ZNF438: variants seen among roughly 807,000 people sequenced by gnomAD.
ZNF438 encodes the protein zinc finger protein 438.
Under a neutral mutation model 38.0 loss-of-function variants are expected in ZNF438, and 25 were observed. That is an observed-to-expected ratio of 0.66 (90% CI 0.48 to 0.92). ZNF438 has a LOEUF of 0.92. Among genes scored for constraint, ZNF438 ranks in the 40% least tolerant of loss-of-function variants. The pLI is 0.00. For missense variants in ZNF438, 1,007 were observed against 999.6 expected (o/e 1.01, Z -0.10); for synonymous variants, 372 against 364.1 (o/e 1.02, Z -0.25).
chr10:30,933,485 A>C (rs913979394), intron 2 of ZNF438, among the ~76,000 whole-genome samples: 1 of 152,224 alleles, frequency 6.6e-6, no homozygotes, highest in Non-Finnish European at 1.5e-5. Flanking sequence ...AGGCATCATG[A>C]CTTGCACCTG....
intron 1 of ZNF438, among the ~76,000 whole-genome samples, chr10:31,027,832 C>T (rs1220867194): frequency 6.6e-6 from 1 of 151,912 alleles, no homozygotes; most frequent in Admixed American, 6.6e-5. Flanking sequence ...TAGATACTTT[C>T]CCAATGAAAG....
intron 2 of ZNF438, among the ~76,000 whole-genome samples, chr10:30,933,855 C>T (rs2088926694): frequency 6.6e-6 from 1 of 152,092 alleles, no homozygotes; most frequent in Admixed American, 6.6e-5. Flanking sequence ...ACACTGAAAT[C>T]AGCGCTTGAG....
intron 3 of ZNF438, among the ~76,000 whole-genome samples, chr10:30,889,116 C>A (rs1017072825): frequency 3.9e-5 from 6 of 152,180 alleles, no homozygotes; most frequent in Non-Finnish European, 8.8e-5. Flanking sequence ...TAGTACTCAT[C>A]ATTTGCTCAA....
At chr10:31,012,313 T>C (rs1314772282) in intron 1 of ZNF438, among the ~76,000 whole-genome samples, 1 of 151,732 alleles carries the variant, frequency 6.6e-6, no homozygotes, top group Non-Finnish European at 1.5e-5. Flanking sequence ...TTAGTAGAGA[T>C]GGGGTTTCAC....
chr10:30,905,860 TA>T (rs1214530153), intron 3 of ZNF438, among the ~76,000 whole-genome samples: 3 of 152,240 alleles, frequency 2.0e-5, no homozygotes, highest in Non-Finnish European at 4.4e-5. Flanking sequence ...CCTTGTTGAT[TA>T]TCAGTGTACC....
intron 1 of ZNF438, among the ~76,000 whole-genome samples, chr10:31,026,532 C>A (rs1429272684): frequency 6.6e-6 from 1 of 152,122 alleles, no homozygotes; most frequent in African/African-American, 2.4e-5. Flanking sequence ...AAATCAAAAC[C>A]ACAATGAGAT....
intron 2 of ZNF438, among the ~76,000 whole-genome samples, chr10:30,934,209 G>A (rs1292592148): frequency 6.6e-6 from 1 of 152,032 alleles, no homozygotes; most frequent in Non-Finnish European, 1.5e-5. Context: ...CCCTCTTTGG[G>A]ATGTACCGAG....
chr10:30,902,569 C>G (rs938545296), intron 3 of ZNF438, among the ~76,000 whole-genome samples: 7 of 152,008 alleles, frequency 4.6e-5, no homozygotes, highest in African/African-American at 1.7e-4. Flanking sequence ...ATTCACAATC[C>G]CTTAGCTAGA....
rs926986405 is a variant in ZNF438, at chr10:31,013,892, G to A, written c.-192+17941C>T. On this transcript the variant is annotated intron_variant, in intron 1 of 5. Coordinates refer to ENST00000413025, the Ensembl canonical transcript of ZNF438. ...CCTCTTTTCCTTCACATCCAAGTCCGAAAAAGAGTTAAAACTGTTTTTACT... is the reference window on the plus strand; with the variant it reads ...CCTCTTTTCCTTCACATCCAAGTCCAAAAAAGAGTTAAAACTGTTTTTACT... Among the ~76,000 whole-genome samples, 39 of 152,122 alleles carry A rather than the reference G, an allele frequency of 2.6e-4. 1 individual carries two copies. Among genetic ancestry groups the A allele is most frequent in the Middle Eastern group, 3.4e-3 (1 of 294 alleles).
At chr10:31,023,021 G>T (rs1033665235) in intron 1 of ZNF438, among the ~76,000 whole-genome samples, 1 of 151,938 alleles carries the variant, frequency 6.6e-6, no homozygotes, top group East Asian at 1.9e-4. Context: ...TAAAATTCAC[G>T]GTCCAAAACC....
exon 6 of ZNF438, chr10:30,845,421 C>T: frequency 2.5e-6 from 4 of 1,614,118 alleles, no homozygotes; most frequent in Non-Finnish European, 3.4e-6. Context: ...TTGTAGCCTG[C>T]CCTCAATTTC....
Position 30,848,525 on chromosome 10 carries a change from A to G in ZNF438, c.1874+6T>C. The G allele has an allele frequency of 1.2e-6, 2 of 1,605,820 alleles. No homozygotes were observed. Among genetic ancestry groups the G allele is most frequent in the Non-Finnish European group, 1.7e-6 (2 of 1,173,920 alleles). On this transcript the variant is annotated splice_donor_region_variant and intron_variant, in intron 5 of 5. Coordinates refer to ENST00000413025, the Ensembl canonical transcript of ZNF438. ...CTTGCCAGGTCTCCATTACATTGGC[A>G]CTCACCTCTCCAATGATCCCTCCAT... is the stretch of plus-strand genomic sequence containing the variant.
chr10:30,904,436 G>A (rs1277568569), intron 3 of ZNF438, among the ~76,000 whole-genome samples: 1 of 152,070 alleles, frequency 6.6e-6, no homozygotes, highest in African/African-American at 2.4e-5. Flanking sequence ...CGTCTCCACT[G>A]CCAACTGTCT....
intron 1 of ZNF438, among the ~76,000 whole-genome samples, chr10:30,974,103 A>T (rs959661773): frequency 3.0e-4 from 45 of 152,354 alleles, no homozygotes; most frequent in African/African-American, 1.1e-3. Context: ...TGAGACACAC[A>T]CATATCCCAG....
intron 4 of ZNF438, among the ~76,000 whole-genome samples, chr10:30,868,132 C>T (rs968691671): frequency 1.3e-5 from 2 of 151,086 alleles, no homozygotes; most frequent in Admixed American, 6.6e-5. Flanking sequence ...TGCAATGGCA[C>T]GATCTCAACT....
chr10:30,954,258 G>T (rs1443791052), intron 1 of ZNF438, among the ~76,000 whole-genome samples: 2 of 152,200 alleles, frequency 1.3e-5, no homozygotes, highest in Non-Finnish European at 2.9e-5. Context: ...TACACAAACT[G>T]ATGAAAGAAC....
At chr10:31,001,768 C>T (rs1312580457) in intron 1 of ZNF438, among the ~76,000 whole-genome samples, 1 of 152,126 alleles carries the variant, frequency 6.6e-6, no homozygotes, top group Non-Finnish European at 1.5e-5. Context: ...TTAAAACATT[C>T]ACCAAAATCC....
exon 6 of ZNF438, chr10:30,845,484 G>A (rs1461763110): frequency 6.2e-7 from 1 of 1,614,038 alleles, no homozygotes; most frequent in Non-Finnish European, 8.5e-7. Flanking sequence ...AGACTGAGCA[G>A]TAATCTGACA....
rs140840707 is a variant in ZNF438 at position 30,845,175 on chromosome 10, T to G, written c.2273A>C (p.Gln758Pro). The G allele has an allele frequency of 1.4e-5, 22 of 1,614,114 alleles. No homozygotes were observed. The highest frequency in any genetic ancestry group is 1.9e-5 in the Non-Finnish European group (22 of 1,180,042). ...GTGGAGGCCAGGACACTCAGGGCCC[T>G]GGCAGGTTTCCCTTGGCTTGTTGGT... Residue 758 changes from glutamine to proline, a missense_variant, in exon 6 of 6, where the codon CAG becomes CCG. Physicochemically the swap from Gln to Pro is moderately conservative, Grantham distance 76. Coordinates refer to ENST00000413025, the Ensembl canonical transcript of ZNF438.
Sources: gnomAD v4.1 joint callset for allele counts (sites outside exome capture counted in the v4.1 genomes callset) on GRCh38, gnomAD v4.1.1 for gene constraint, MANE v1.5 for transcripts, NCBI Gene and HGNC (gene_info 2026-07-23, HGNC 2026-07-21) for gene names.